Variants in CD36 observed in about 807,000 individuals in gnomAD.
CD36 encodes platelet glycoprotein 4.
A neutral mutation model predicts 55.2 loss-of-function variants in CD36; 119 were observed. The observed-to-expected ratio is 2.15, with a 90% CI of 1.86 to 2.51. The LOEUF is 2.51. Ranked by LOEUF, CD36 falls within the 30% of genes most tolerant of loss-of-function variation. CD36 has a pLI of 0.00. For synonymous variants in CD36, 186 were observed against 193.6 expected, an observed-to-expected ratio of 0.96 and a Z score of 0.33; for missense variants, 819 against 555.5, an observed-to-expected ratio of 1.47 and a Z score of -4.77.
At chr7:80,666,894 G>A (rs887752055) in intron 8 of CD36, among the ~76,000 whole-genome samples, 2 of 152,114 alleles carry the variant, frequency 1.3e-5, no homozygotes, top group South Asian at 2.1e-4. Flanking sequence ...ACATATCTAA[G>A]CAAGGCTTAT....
intron 3 of CD36, among the ~76,000 whole-genome samples, chr7:80,649,260 C>G (rs1300147171): frequency 2.0e-5 from 3 of 151,948 alleles, no homozygotes; most frequent in African/African-American, 7.3e-5. Context: ...AGTCATTCTC[C>G]AAATGTAAGC....
chr7:80,613,616 C>G (rs1015335128), intron 1 of CD36, among the ~76,000 whole-genome samples: 1 of 152,004 alleles, frequency 6.6e-6, no homozygotes, highest in Non-Finnish European at 1.5e-5. Flanking sequence ...AAGTAAAAAT[C>G]ACAGTGAAAA....
chr7:80,620,078 T>C (rs895984802), intron 1 of CD36, among the ~76,000 whole-genome samples: 2 of 152,070 alleles, frequency 1.3e-5, no homozygotes, highest in African/African-American at 4.8e-5. Flanking sequence ...ACTGTTGACA[T>C]GATGTGTAGG....
chr7:80,666,271 A>C, intron 7 of CD36, 172 bp from the exon 8 acceptor site: 1 of 593,372 alleles, frequency 1.7e-6, no homozygotes, highest in South Asian at 2.1e-5. Flanking sequence ...CATTGCAATA[A>C]GATAAAAGGT....
At chr7:80,630,844 G>A (rs1210326804) in intron 1 of CD36, among the ~76,000 whole-genome samples, 1 of 151,964 alleles carries the variant, frequency 6.6e-6, no homozygotes. Flanking sequence ...AAATAAATAC[G>A]CTTAGAGTAT....
intron 1 of CD36, among the ~76,000 whole-genome samples, chr7:80,621,496 T>C (rs1421201939): frequency 6.6e-6 from 1 of 152,174 alleles, no homozygotes; most frequent in East Asian, 1.9e-4. Context: ...TGGTAATAGG[T>C]GAATAAATAT....
At chr7:80,631,392 T>A (rs1794066599) in intron 1 of CD36, among the ~76,000 whole-genome samples, 1 of 152,016 alleles carries the variant, frequency 6.6e-6, no homozygotes, top group Non-Finnish European at 1.5e-5. Context: ...TTTTATCAAG[T>A]CCATTGTAAC....
At chr7:80,634,410 G>T (rs142740738), upstream of CD36, among the ~76,000 whole-genome samples, 1 of 151,820 alleles carries the variant, frequency 6.6e-6, no homozygotes, top group African/African-American at 2.4e-5. Context: ...CTTTTAAATG[G>T]TATCTACTAC....
chr7:80,661,228 A>G lies in CD36; in HGVS notation c.429+18A>G. On this transcript the variant is annotated intron_variant, in intron 5 of 14. Transcript: ENST00000447544. ...CTGTGGCAGTGAGTAGACAAACAAC[A>G]AAGTTATCTATTTTAAAATACTCTA... The G allele has an allele frequency of 6.2e-7, 1 of 1,608,800 alleles. No individual in the cohort carries two copies. Among genetic ancestry groups the G allele is most frequent in the Non-Finnish European group, 8.5e-7 (1 of 1,175,232 alleles).
chr7:80,610,986 C>T (rs895492905), intron 1 of CD36, among the ~76,000 whole-genome samples: 6 of 151,802 alleles, frequency 4.0e-5, no homozygotes, highest in Admixed American at 3.9e-4. Context: ...AGTAATCTTC[C>T]CCACTCAGCC....
intron 1 of CD36, among the ~76,000 whole-genome samples, chr7:80,644,633 A>G (rs1795025864): frequency 6.6e-6 from 1 of 152,208 alleles, no homozygotes; most frequent in Non-Finnish European, 1.5e-5. Context: ...TGATTACTAA[A>G]GTGGAAGTAA....
chr7:80,668,035 C>T lies in CD36; in HGVS notation c.748+1546C>T, dbSNP rs3211927. On this transcript the variant is annotated intron_variant, in intron 8 of 14. Coordinates refer to ENST00000447544, the MANE Select transcript of CD36 (RefSeq NM_001001548.3). Reference sequence around the variant, plus strand: ...GTGCTGGGATTACAGGCTTGAGCCACCACACCTGGCCAAGGCTTTGCAGGG... The same window carrying T: ...GTGCTGGGATTACAGGCTTGAGCCATCACACCTGGCCAAGGCTTTGCAGGG... Among the ~76,000 whole-genome samples the T allele has an allele frequency of 7.4e-3, 1,130 of 152,162 alleles. 15 individuals are homozygous for T. Among genetic ancestry groups the T allele is most frequent in the African/African-American group, 0.025 (1,047 of 41,524 alleles).
chr7:80,641,439 A>G (rs1794806175), intron 1 of CD36, among the ~76,000 whole-genome samples: 2 of 152,080 alleles, frequency 1.3e-5, no homozygotes, highest in Admixed American at 6.6e-5. Flanking sequence ...TCCAAAAACT[A>G]GATTTTATGG....
At chr7:80,664,930 C>T (rs1383492921) in intron 7 of CD36, among the ~76,000 whole-genome samples, 1 of 150,782 alleles carries the variant, frequency 6.6e-6, no homozygotes, top group South Asian at 2.1e-4. Flanking sequence ...TCGAGCATAT[C>T]GAATTCCATA....
chr7:80,645,179 C>G (rs1455463333), intron 1 of CD36, among the ~76,000 whole-genome samples: 1 of 151,698 alleles, frequency 6.6e-6, no homozygotes, highest in East Asian at 2.0e-4. Context: ...TGCCACCAAG[C>G]CCGGCTAACT....
chr7:80,653,675 A>G (rs1041425618), intron 3 of CD36, among the ~76,000 whole-genome samples: 7 of 152,176 alleles, frequency 4.6e-5, no homozygotes, highest in African/African-American at 1.7e-4. Context: ...AATATTTGCA[A>G]AATAGTCTAG....
intron 4 of CD36, among the ~76,000 whole-genome samples, chr7:80,660,247 T>C (rs2116639736): frequency 6.6e-6 from 1 of 152,304 alleles, no homozygotes; most frequent in East Asian, 1.9e-4. Context: ...ATGTAGTTGG[T>C]ACTTTGCAGC....
chr7:80,659,173 C>A (rs1796328065), intron 4 of CD36, among the ~76,000 whole-genome samples: 1 of 152,096 alleles, frequency 6.6e-6, no homozygotes, highest in Admixed American at 6.6e-5. Context: ...AAAAAATTAA[C>A]ACTTTGATAG....
chr7:80,613,117 G>A (rs1792965264), intron 1 of CD36, among the ~76,000 whole-genome samples: 1 of 151,984 alleles, frequency 6.6e-6, no homozygotes, highest in Admixed American at 6.6e-5. Flanking sequence ...TTGATTCCAT[G>A]AGTCACACAA....
Sources: allele counts gnomAD v4.1 joint callset (sites outside exome capture counted in the v4.1 genomes callset), GRCh38; gene constraint gnomAD v4.1.1; transcripts MANE v1.5; gene names NCBI Gene and HGNC (gene_info 2026-07-23, HGNC 2026-07-21).